The following HSPD1 variants were observed in gnomAD, a reference collection of about 807,000 sequenced individuals.
HSPD1 encodes the protein 60 kDa heat shock protein, mitochondrial.
Under a neutral mutation model 53.0 loss-of-function variants are expected in HSPD1, and 3 were observed. The ratio of observed to expected loss-of-function variants is 0.06; its 90% CI spans 0.03 to 0.15. The LOEUF (loss-of-function observed/expected upper bound fraction) is 0.15, where lower values mean the gene tolerates loss of function less well. HSPD1 is among the 10% of genes least tolerant of loss of function. The pLI is 1.00. For missense variants in HSPD1, 431 were observed against 694.1 expected (o/e 0.62, Z 4.26); for synonymous variants, 200 against 228.0 (o/e 0.88, Z 1.10).
chr2:197,492,606 A>C (rs1054315632), intron 7 of HSPD1, among the ~76,000 whole-genome samples: 6 of 152,024 alleles, frequency 3.9e-5, no homozygotes, highest in South Asian at 2.1e-4. Flanking sequence ...CAAAACAAAA[A>C]ACAAGATTGA....
At chr2:197,494,920 G>C in intron 4 of HSPD1, 168 bp from the exon 5 acceptor site, 2 of 648,904 alleles carry the variant, frequency 3.1e-6, no homozygotes, top group South Asian at 3.6e-5. Flanking sequence ...GCTCTTTTCC[G>C]ATTCATTATT....
intron 8 of HSPD1, 29 bp downstream of exon 8, chr2:197,490,168 C>G (rs767298637): frequency 7.0e-7 from 1 of 1,423,914 alleles, no homozygotes; most frequent in South Asian, 1.1e-5. Context: ...AAACATTCAG[C>G]AAACCATTAT....
intron 2 of HSPD1, among the ~76,000 whole-genome samples, chr2:197,497,830 C>T (rs983338044): frequency 2.0e-5 from 3 of 152,222 alleles, no homozygotes; most frequent in African/African-American, 7.2e-5. Flanking sequence ...CAACATAAAA[C>T]TTCAACCATG....
intron 9 of HSPD1, among the ~76,000 whole-genome samples, 180 bp from the exon 10 acceptor site, chr2:197,488,671 C>A (rs537759657): frequency 6.5e-4 from 99 of 152,278 alleles, no homozygotes; most frequent in African/African-American, 2.3e-3. Flanking sequence ...GAGTTTGAGA[C>A]CAGCCTGACC....
chr2:197,490,397 A>T, intron 7 of HSPD1, 101 bp from the exon 8 acceptor site: 1 of 888,362 alleles, frequency 1.1e-6, no homozygotes, highest in South Asian at 1.4e-5. Flanking sequence ...TCCCTAAGTA[A>T]TCTGGTTTGG....
Position 197,497,127 on chromosome 2 carries a change from C to T in HSPD1, c.427+13G>A. ...GAAGTTTAGAACACTGTGGTGACAACAGACATTCCTACCTCTCCTGATTTC... is the reference window on the plus strand; with the variant it reads ...GAAGTTTAGAACACTGTGGTGACAATAGACATTCCTACCTCTCCTGATTTC... On this transcript the variant is annotated intron_variant, in intron 3 of 11. Transcript: ENST00000388968. 6.2e-7 allele frequency: 1 copy of T among 1,613,712 alleles called. No homozygotes were observed. Among genetic ancestry groups the T allele is most frequent in the South Asian group, 1.1e-5 (1 of 91,070 alleles).
At position 197,498,855 on chromosome 2, in the gene HSPD1, G is replaced by T. The variant is rs1399194506; in HGVS notation, c.-2-5C>A. ...CTGTGGGTAACCGAAGCATTTCTGG[G>T]GATGGAAGCAAAAAGATCATCAGAA... On this transcript the variant is annotated splice_polypyrimidine_tract_variant and splice_region_variant and intron_variant, in intron 1 of 11. Coordinates refer to ENST00000388968, the MANE Select transcript of HSPD1 (RefSeq NM_002156.5). 6.2e-7 allele frequency: 1 copy of T among 1,613,990 alleles called. No homozygotes were observed. Among genetic ancestry groups the T allele is most frequent in the South Asian group, 1.1e-5 (1 of 91,070 alleles).
At chr2:197,497,496 G>T (rs998185067) in intron 2 of HSPD1, 104 bp from the exon 3 acceptor site, 8 of 1,164,900 alleles carry the variant, frequency 6.9e-6, no homozygotes, top group African/African-American at 1.5e-5. Context: ...AAGTCTCAAC[G>T]TAAGTTGTGT....
chr2:197,497,570 A>G (rs2086174435), intron 2 of HSPD1, 178 bp from the exon 3 acceptor site: 1 of 643,190 alleles, frequency 1.6e-6, no homozygotes, highest in South Asian at 1.9e-5. Context: ...TTGTCTACAG[A>G]CAAAATGACC....
intron 7 of HSPD1, among the ~76,000 whole-genome samples, chr2:197,491,177 C>CTTTTT (rs1196099992): frequency 6.8e-6 from 1 of 147,432 alleles, no homozygotes; most frequent in African/African-American, 2.5e-5. Flanking sequence ...GGCCTCAAGT[C>CTTTTT]TTTTTTTTGT....
At chr2:197,489,849 C>A (rs2086069547) in intron 8 of HSPD1, among the ~76,000 whole-genome samples, 1 of 149,512 alleles carries the variant, frequency 6.7e-6, no homozygotes. Flanking sequence ...ATCAAGACAC[C>A]CTGTCTCAAA....
rs189980591 is a variant in HSPD1 at position 197,491,227 on chromosome 2, G to A, written c.870-931C>T. 4.7e-3 allele frequency among the ~76,000 whole-genome samples: 677 copies of A among 145,064 alleles called. 18 individuals carry two copies. Among genetic ancestry groups the A allele is most frequent in the Admixed American group, 0.045 (641 of 14,250 alleles). ...TTTTGAGACAGAGTCTTGCTCTGTC[G>A]CCCAGGCTGGAGTGCAGTGGCGAGA... On this transcript the variant is annotated intron_variant, in intron 7 of 11. Coordinates refer to ENST00000388968, the MANE Select transcript of HSPD1 (RefSeq NM_002156.5).
chr2:197,496,584 T>C (rs2086159766), intron 3 of HSPD1, among the ~76,000 whole-genome samples: 1 of 152,196 alleles, frequency 6.6e-6, no homozygotes, highest in Non-Finnish European at 1.5e-5. Flanking sequence ...GGACTAGAAT[T>C]TAAGTCTATA....
At chr2:197,497,423 A>G (rs1208179294) in intron 2 of HSPD1, 31 bp from the exon 3 acceptor site, 2 of 1,608,268 alleles carry the variant, frequency 1.2e-6, no homozygotes, top group Non-Finnish European at 1.7e-6. Flanking sequence ...AGGATCAGAC[A>G]TACCCTAAGG....
intron 7 of HSPD1, chr2:197,490,660 C>T (rs11676748): frequency 0.16 from 43,643 of 272,050 alleles, 3,951 homozygotes; most frequent in Middle Eastern, 0.25. Flanking sequence ...GAAACCCTGT[C>T]TCTACTGAAA....
intron 6 of HSPD1, 37 bp from the exon 7 acceptor site, chr2:197,493,529 A>C: frequency 7.1e-7 from 1 of 1,417,008 alleles, no homozygotes; most frequent in Non-Finnish European, 1.0e-6. Flanking sequence ...ATATACAAAA[A>C]ATGACTGCAA....
intron 6 of HSPD1, 66 bp from the exon 7 acceptor site, chr2:197,493,558 G>C (rs921126569): frequency 8.3e-7 from 1 of 1,204,222 alleles, no homozygotes; most frequent in Non-Finnish European, 1.2e-6. Context: ...AATGAAAAGC[G>C]AAACCAAGGT....
chr2:197,497,079 G>A (rs1216713150), intron 3 of HSPD1, 61 bp downstream of exon 3: 1 of 1,512,352 alleles, frequency 6.6e-7, no homozygotes, highest in Admixed American at 1.7e-5. Context: ...TAGGTCCAAG[G>A]AATCAATGCC....
chr2:197,491,632 CAT>C (rs558371298), intron 7 of HSPD1, among the ~76,000 whole-genome samples: 48 of 152,284 alleles, frequency 3.2e-4, no homozygotes, highest in African/African-American at 1.1e-3. Flanking sequence ...TTGCTTCTGA[CAT>C]ACTTCAATTC....
Sources: gnomAD v4.1 joint callset for allele counts (sites outside exome capture counted in the v4.1 genomes callset) on GRCh38, gnomAD v4.1.1 for gene constraint, MANE v1.5 for transcripts, NCBI Gene and HGNC (gene_info 2026-07-23, HGNC 2026-07-21) for gene names.